The following ITPR2 variants were observed in gnomAD, a reference collection of about 807,000 sequenced individuals.
The protein encoded by ITPR2 is inositol 1,4,5-trisphosphate receptor type 2.
A neutral mutation model predicts 317.1 loss-of-function variants in ITPR2; 207 were observed. The observed-to-expected ratio is 0.65, with a 90% confidence interval of 0.58 to 0.73. The LOEUF (loss-of-function observed/expected upper bound fraction) is 0.73, where lower values mean the gene tolerates loss of function less well. Among genes scored for constraint, ITPR2 ranks in the 30% least tolerant of loss-of-function variants. The pLI is 0.00. For missense variants in ITPR2, 2,613 were observed against 3,284.0 expected (o/e 0.80, Z 4.99); for synonymous variants, 1,156 against 1,149.1 (o/e 1.01, Z -0.12).
At chr12:26,435,919 A>G (rs763977087) in intron 48 of ITPR2, among the ~76,000 whole-genome samples, 5 of 152,330 alleles carry the variant, frequency 3.3e-5, no homozygotes, top group South Asian at 2.1e-4. Flanking sequence ...TCATTTGCAT[A>G]ATTTAGATGA....
chr12:26,361,446 T>C (rs565083050), intron 55 of ITPR2, among the ~76,000 whole-genome samples: 8 of 152,274 alleles, frequency 5.3e-5, no homozygotes, highest in Non-Finnish European at 1.0e-4. Context: ...CATTGCATCA[T>C]AATTCTTTTT....
chr12:26,769,025 A>ACACC (rs1441493996), intron 2 of ITPR2, among the ~76,000 whole-genome samples: 17 of 149,810 alleles, frequency 1.1e-4, no homozygotes, highest in Non-Finnish European at 2.2e-4. Context: ...ACACACACAC[A>ACACC]CCCCAATCTC....
chr12:26,347,030 T>A (rs1233066636), intron 55 of ITPR2, among the ~76,000 whole-genome samples: 2 of 152,126 alleles, frequency 1.3e-5, no homozygotes, highest in Non-Finnish European at 2.9e-5. Context: ...ATACTGCAAA[T>A]GCCCAGCCTG....
At chr12:26,757,652 G>A (rs763287135) in intron 2 of ITPR2, among the ~76,000 whole-genome samples, 21 of 152,124 alleles carry the variant, frequency 1.4e-4, no homozygotes, top group Non-Finnish European at 8.8e-5. Flanking sequence ...CTTGACTTAC[G>A]ATATTTTCAA....
intron 37 of ITPR2, among the ~76,000 whole-genome samples, chr12:26,544,937 G>GT (rs138831591): frequency 0.093 from 14,204 of 152,122 alleles, 888 homozygotes; most frequent in African/African-American, 0.17. Flanking sequence ...CCTGTTCTGT[G>GT]TATGTGTTAG....
chr12:26,758,508 A>T (rs962017804), intron 2 of ITPR2, among the ~76,000 whole-genome samples: 9 of 152,234 alleles, frequency 5.9e-5, no homozygotes, highest in Non-Finnish European at 1.0e-4. Context: ...CTTTCTAGCC[A>T]TAATGGTCCC....
chr12:26,543,734 A>G (rs1428952170), intron 37 of ITPR2, among the ~76,000 whole-genome samples: 1 of 152,176 alleles, frequency 6.6e-6, no homozygotes, highest in Non-Finnish European at 1.5e-5. Context: ...GCATCACTGC[A>G]CTCCAGCCTG....
intron 1 of ITPR2, among the ~76,000 whole-genome samples, chr12:26,811,978 A>G (rs931753280): frequency 6.6e-6 from 1 of 151,742 alleles, no homozygotes; most frequent in African/African-American, 2.4e-5. Context: ...CCTGGCCAAC[A>G]TGGCGAATCC....
intron 54 of ITPR2, 115 bp downstream of exon 54, chr12:26,398,761 C>CAA: frequency 1.2e-6 from 1 of 840,310 alleles, no homozygotes; most frequent in South Asian, 1.7e-5. Context: ...GAATTTTATC[C>CAA]AACCTTCATT....
In ITPR2 at chr12:26,613,116, C is replaced by T. The variant is rs78680983; in HGVS notation, c.3462+8007G>A. Among the ~76,000 whole-genome samples the T allele has an allele frequency of 7.5e-3, 1,144 of 152,128 alleles. 23 individuals are homozygous for T. Among genetic ancestry groups the T allele is most frequent in the African/African-American group, 0.026 (1,096 of 41,482 alleles). ...GAGTCCAGATATCTAACTTTAAGAACGGAAAGGAGAAATTCAAGTGTGCAC... is the reference window on the plus strand; with the variant it reads ...GAGTCCAGATATCTAACTTTAAGAATGGAAAGGAGAAATTCAAGTGTGCAC... On this transcript the variant is annotated intron_variant, in intron 26 of 56. Coordinates refer to ENST00000381340, the MANE Select transcript of ITPR2 (RefSeq NM_002223.4).
intron 45 of ITPR2, among the ~76,000 whole-genome samples, chr12:26,453,596 C>A (rs1214207305): frequency 6.6e-6 from 1 of 152,196 alleles, no homozygotes. Context: ...ATCTCTTTGA[C>A]CTTATTTCTT....
chr12:26,595,486 G>A lies in ITPR2; in HGVS notation c.4359C>T (p.Asn1453=). 6.2e-7 allele frequency: 1 copy of A among 1,608,332 alleles called. No homozygotes were observed. Among genetic ancestry groups the A allele is most frequent in the East Asian group, 2.2e-5 (1 of 44,602 alleles). Residue 1453 remains asparagine (N), a synonymous_variant, in exon 32 of 57, where the codon AAC becomes AAT. Coordinates refer to ENST00000381340, the MANE Select transcript of ITPR2 (RefSeq NM_002223.4). ...TTACCCTTGCCATATCCACCAAGAA[G>A]TTCTCAAATAATTTCCAAATGTGGT... is the stretch of plus-strand genomic sequence containing the variant. ...TSNHIWKLFE[N]FLVDMARVCN... is the part of the protein sequence containing the mutation.
At chr12:26,354,462 C>T (rs1228500946) in intron 55 of ITPR2, among the ~76,000 whole-genome samples, 1 of 152,146 alleles carries the variant, frequency 6.6e-6, no homozygotes, top group African/African-American at 2.4e-5. Context: ...GGGTCCACCA[C>T]ATGGTCATAG....
rs34107444 is a variant in ITPR2, at chr12:26,666,162, A to ATACATAGATAGATAGATAGAT, written c.1410-112_1410-111insATCTATCTATCTATCTATGTA. 32 of 400,596 alleles carry ATACATAGATAGATAGATAGAT rather than the reference A, an allele frequency of 8.0e-5. No homozygotes were observed. In the Admixed American group the frequency reaches 1.2e-3, roughly 14 times the overall value. 24.8% of individuals were successfully genotyped at this position (400,596 alleles called of 1,614,324 possible). On this transcript the variant is annotated intron_variant, in intron 13 of 56. Transcript: ENST00000381340. ...GATAGATAGATAGATAGATAGATAG[A>ATACATAGATAGATAGATAGAT]TTTTTTTTTACTTTTTCTTCAGGAG...
chr12:26,467,955 A>C (rs1286190035), intron 45 of ITPR2, among the ~76,000 whole-genome samples: 3 of 152,108 alleles, frequency 2.0e-5, no homozygotes, highest in South Asian at 2.1e-4. Flanking sequence ...TTCTTTTGTA[A>C]AAATAAGGCC....
intron 54 of ITPR2, among the ~76,000 whole-genome samples, chr12:26,395,027 G>A (rs775070720): frequency 2.6e-5 from 4 of 152,102 alleles, no homozygotes; most frequent in African/African-American, 7.2e-5. Flanking sequence ...AGACATGGCC[G>A]GTTTGGCTGC....
intron 38 of ITPR2, 144 bp downstream of exon 38, chr12:26,495,008 G>A: frequency 3.1e-6 from 2 of 638,112 alleles, no homozygotes; most frequent in Non-Finnish European, 5.5e-6. Flanking sequence ...TGTTTTATGA[G>A]CCCCAAATTG....
chr12:26,493,834 G>A (rs1212244136), intron 39 of ITPR2, among the ~76,000 whole-genome samples: 1 of 152,170 alleles, frequency 6.6e-6, no homozygotes, highest in Non-Finnish European at 1.5e-5. Context: ...CTTGGCAGAA[G>A]TTTCAAAAGA....
At chr12:26,654,601 C>G (rs937212962) in intron 20 of ITPR2, among the ~76,000 whole-genome samples, 1 of 152,162 alleles carries the variant, frequency 6.6e-6, no homozygotes, top group Non-Finnish European at 1.5e-5. Context: ...CCCCCTACCA[C>G]ACTGTATCAG....
Sources: gnomAD v4.1 joint callset for allele counts (sites outside exome capture counted in the v4.1 genomes callset) on GRCh38, gnomAD v4.1.1 for gene constraint, MANE v1.5 for transcripts, NCBI Gene and HGNC (gene_info 2026-07-23, HGNC 2026-07-21) for gene names.